Variants in PLA2G4A observed in about 807,000 individuals in gnomAD.
PLA2G4A encodes the protein cytosolic phospholipase A2.
In PLA2G4A, 40 loss-of-function variants were observed where a neutral mutation model predicts 81.9. The observed-to-expected ratio is 0.49, with a 90% CI of 0.38 to 0.64. The LOEUF (loss-of-function observed/expected upper bound fraction) is 0.64, where lower values mean the gene tolerates loss of function less well. Ranked by LOEUF, PLA2G4A falls within the 30% of genes least tolerant of loss-of-function variation. The pLI is 0.00. For missense variants in PLA2G4A, 715 were observed against 905.1 expected (o/e 0.79, Z 2.69); for synonymous variants, 302 against 296.9 (o/e 1.02, Z -0.18).
chr1:186,913,554 C>T (rs183202736), intron 7 of PLA2G4A, among the ~76,000 whole-genome samples: 59 of 152,116 alleles, frequency 3.9e-4, no homozygotes, highest in African/African-American at 1.4e-3. Context: ...AGTGACGTAT[C>T]AGGTAATTAT....
At chr1:186,982,682 TGC>T (rs1344334634) in intron 17 of PLA2G4A, among the ~76,000 whole-genome samples, 42 of 150,798 alleles carry the variant, frequency 2.8e-4, no homozygotes, top group Non-Finnish European at 4.4e-4. Context: ...TGTGTGTGTG[TGC>T]GTGTGTGTGT....
At chr1:186,878,485 A>G (rs905470427) in intron 3 of PLA2G4A, among the ~76,000 whole-genome samples, 1 of 151,614 alleles carries the variant, frequency 6.6e-6, no homozygotes, top group Non-Finnish European at 1.5e-5. Context: ...AATTCTAAGT[A>G]TAATGAAATT....
chr1:186,878,471 T>TA (rs1653602578), intron 3 of PLA2G4A, among the ~76,000 whole-genome samples: 1 of 151,430 alleles, frequency 6.6e-6, no homozygotes, highest in Non-Finnish European at 1.5e-5. Flanking sequence ...CCCAAGATTT[T>TA]AAAAATTCTA....
At chr1:186,976,858 C>T (rs947245460) in intron 15 of PLA2G4A, among the ~76,000 whole-genome samples, 1 of 152,220 alleles carries the variant, frequency 6.6e-6, no homozygotes, top group African/African-American at 2.4e-5. Context: ...TATTTCTTGG[C>T]CACTTACATG....
intron 2 of PLA2G4A, among the ~76,000 whole-genome samples, chr1:186,857,407 ATT>A (rs1652624170): frequency 7.7e-6 from 1 of 129,294 alleles, no homozygotes; most frequent in Non-Finnish European, 1.6e-5. Context: ...TATAATATAT[ATT>A]ATATAATGTA....
intron 5 of PLA2G4A, among the ~76,000 whole-genome samples, chr1:186,904,914 G>T (rs1183718986): frequency 1.3e-5 from 2 of 152,016 alleles, no homozygotes; most frequent in African/African-American, 4.8e-5. Context: ...GAGTACAGTG[G>T]CGCGATCTCA....
chr1:186,934,796 G>T (rs1289345817), intron 8 of PLA2G4A, among the ~76,000 whole-genome samples: 1 of 151,780 alleles, frequency 6.6e-6, no homozygotes, highest in Non-Finnish European at 1.5e-5. Flanking sequence ...CTTTCTAATT[G>T]TTCCTATCAT....
chr1:186,966,967 T>G (rs936671286), intron 15 of PLA2G4A, among the ~76,000 whole-genome samples: 4 of 152,180 alleles, frequency 2.6e-5, no homozygotes, highest in Non-Finnish European at 5.9e-5. Flanking sequence ...ATGTAGGATT[T>G]TTTTGTAGGT....
intron 1 of PLA2G4A, among the ~76,000 whole-genome samples, chr1:186,852,680 C>T (rs746115843): frequency 1.3e-5 from 2 of 151,966 alleles, no homozygotes; most frequent in Admixed American, 6.6e-5. Flanking sequence ...TAAACCCACA[C>T]ATGAAGGTGA....
intron 2 of PLA2G4A, among the ~76,000 whole-genome samples, chr1:186,867,923 T>G (rs1653091449): frequency 6.6e-6 from 1 of 152,154 alleles, no homozygotes; most frequent in Admixed American, 6.5e-5. Context: ...TGTTAAATTT[T>G]GTCAAATGCT....
At position 186,889,005 on chromosome 1, in the gene PLA2G4A, T is replaced by C. The variant is rs929277005; in HGVS notation, c.116-4006T>C. Among the ~76,000 whole-genome samples, 4 of 152,198 alleles carry C rather than the reference T, an allele frequency of 2.6e-5. No individual in the cohort carries two copies. In the South Asian group the frequency reaches 8.3e-4, roughly 31 times the overall value. The stretch of plus-strand genomic sequence containing the variant: ...TTTCTACCAACTGCTATTCTAAATA[T>C]GGAGTTTTACTTCTGATTTGCAATC... On this transcript the variant is annotated intron_variant, in intron 3 of 17. Transcript: ENST00000367466.
intron 2 of PLA2G4A, among the ~76,000 whole-genome samples, chr1:186,861,051 T>C (rs543062949): frequency 6.6e-6 from 1 of 152,332 alleles, no homozygotes; most frequent in South Asian, 2.1e-4. Flanking sequence ...TTTGATTTTG[T>C]GTTGAACATT....
chr1:186,831,031 TC>T (rs1329416528), intron 1 of PLA2G4A, among the ~76,000 whole-genome samples: 1 of 151,174 alleles, frequency 6.6e-6, no homozygotes, highest in East Asian at 2.0e-4. Context: ...TTTCTTTCTT[TC>T]TTACTTTTTC....
intron 15 of PLA2G4A, among the ~76,000 whole-genome samples, chr1:186,968,335 C>T (rs975448537): frequency 1.3e-5 from 2 of 150,952 alleles, no homozygotes; most frequent in African/African-American, 4.9e-5. Flanking sequence ...TTTATAAATG[C>T]AGTACTTCCA....
At chr1:186,981,323 A>T (rs796438237) in intron 17 of PLA2G4A, among the ~76,000 whole-genome samples, 11 of 152,272 alleles carry the variant, frequency 7.2e-5, no homozygotes, top group African/African-American at 2.6e-4. Flanking sequence ...TTGCTGTTCT[A>T]GTTTATATAA....
intron 3 of PLA2G4A, among the ~76,000 whole-genome samples, chr1:186,871,708 G>A (rs562291906): frequency 2.0e-5 from 3 of 152,266 alleles, no homozygotes; most frequent in Non-Finnish European, 2.9e-5. Flanking sequence ...GCCCTGGTAA[G>A]ACAAAGACTT....
At chr1:186,960,174 G>A (rs1656896360) in intron 14 of PLA2G4A, among the ~76,000 whole-genome samples, 1 of 152,112 alleles carries the variant, frequency 6.6e-6, no homozygotes, top group African/African-American at 2.4e-5. Context: ...ATTTTGGAGA[G>A]CTTTTTATTA....
intron 8 of PLA2G4A, among the ~76,000 whole-genome samples, chr1:186,937,182 G>A (rs1424391286): frequency 2.6e-5 from 4 of 151,688 alleles, no homozygotes; most frequent in Non-Finnish European, 4.4e-5. Flanking sequence ...GCCAATGGTT[G>A]AAGTATTCTA....
intron 2 of PLA2G4A, among the ~76,000 whole-genome samples, chr1:186,857,409 T>C (rs949953786): frequency 1.5e-5 from 2 of 129,040 alleles, no homozygotes. Context: ...TAATATATAT[T>C]ATATAATGTA....
Sources: gnomAD v4.1 joint callset for allele counts (sites outside exome capture counted in the v4.1 genomes callset) on GRCh38, gnomAD v4.1.1 for gene constraint, MANE v1.5 for transcripts, NCBI Gene and HGNC (gene_info 2026-07-23, HGNC 2026-07-21) for gene names.